Variants in PACRGL observed in about 807,000 individuals in gnomAD.
The protein encoded by PACRGL is PACRG-like protein.
A neutral mutation model predicts 34.5 loss-of-function variants in PACRGL; 38 were observed. The observed-to-expected ratio is 1.10, with a 90% confidence interval of 0.85 to 1.44. The LOEUF (loss-of-function observed/expected upper bound fraction) is 1.44. Among genes scored for constraint, PACRGL ranks in the 40% most tolerant of loss-of-function variants. PACRGL has a pLI of 0.00. For synonymous variants in PACRGL, 128 were observed against 100.1 expected (o/e 1.28, Z -1.66); for missense variants, 305 against 281.4 (o/e 1.08, Z -0.60).
chr4:20,744,405 TA>T (rs1751938113), intron 8 of PACRGL, among the ~76,000 whole-genome samples: 1 of 151,188 alleles, frequency 6.6e-6, no homozygotes, highest in African/African-American at 2.5e-5. Context: ...GTGGCACATA[TA>T]CTGGATTAAG....
upstream of PACRGL, among the ~76,000 whole-genome samples, chr4:20,697,266 T>C (rs1731280719): frequency 6.6e-6 from 1 of 152,214 alleles, no homozygotes; most frequent in Non-Finnish European, 1.5e-5. Flanking sequence ...GGAATAATCA[T>C]TGGGAATGAT....
chr4:20,734,793 A>AAAC (rs79484783), downstream of PACRGL: 26 of 981,784 alleles, frequency 2.6e-5, no homozygotes, highest in African/African-American at 6.8e-5. Context: ...AAAAACAAAA[A>AAAC]AAACAAATGA....
chr4:20,766,480 C>T, the PACRGL span, among the ~76,000 whole-genome samples: 1 of 152,174 alleles, frequency 6.6e-6, no homozygotes, highest in African/African-American at 2.4e-5. Flanking sequence ...GCAGGAGACT[C>T]ACTTGAATCT....
In PACRGL at chr4:20,713,520, T is replaced by G. The variant is rs1738310244; in HGVS notation, c.590T>G (p.Leu197Arg). The stretch of plus-strand genomic sequence containing the variant: ...GTTGGTCCTTCTCTAAACGACCATC[T>G]GAAGCATCTGCTTACAAGCGTAAGT... ...VVVGPSLNDH[L>R]KHLLTSLSKR... Residue 197 changes from leucine to arginine, a missense_variant, in exon 7 of 9, where the codon CTG (leucine) becomes CGG (arginine). Physicochemically the swap from Leu to Arg is moderately radical, Grantham distance 102 (BLOSUM62 -2). Transcript: ENST00000503585. 1.2e-6 allele frequency: 2 copies of G among 1,611,842 alleles called. No homozygotes were observed. The highest frequency in any genetic ancestry group is 1.7e-5 in the Admixed American group (1 of 59,912).
chr4:20,710,948 G>A (rs1395529407), intron 5 of PACRGL, among the ~76,000 whole-genome samples: 4 of 151,998 alleles, frequency 2.6e-5, no homozygotes, highest in Non-Finnish European at 4.4e-5. Flanking sequence ...AGCACTTTAG[G>A]AGGCCAAGGT....
In PACRGL at chr4:20,716,340, T is replaced by TTG. The variant is rs1553872517; in HGVS notation, c.609+2802_609+2803insGT. On this transcript the variant is annotated intron_variant, in intron 7 of 8. Coordinates refer to ENST00000503585, the MANE Select transcript of PACRGL (RefSeq NM_001258345.3). Reference sequence around the variant, plus strand: ...TGAAGTTATTCATGCAGTGTTTTTTTTTTGTTTGTTTGTTTGTTTTAATTA... The same window carrying TTG: ...TGAAGTTATTCATGCAGTGTTTTTTTTGTTTGTTTGTTTGTTTGTTTTAATTA... The TTG allele has an allele frequency of 1.0e-3, 606 of 586,050 alleles. 6 individuals carry two copies. The East Asian group carries it at 0.016, about 16-fold the overall frequency. The allele number at this position is 586,050 out of a possible 1,614,324, so 36.3% of individuals were successfully genotyped here.
Position 20,732,266 on chromosome 4 carries a change from C to A in PACRGL, c.*4925C>A, listed in dbSNP as rs1039603596. On this transcript the variant is annotated 3_prime_UTR_variant, in exon 9 of 9. Transcript: ENST00000503585. ...CAAATGCTTCTGGCTTTTCCCTTTT[C>A]AATATAATGTGGTGAAGATGTAGAG... Among the ~76,000 whole-genome samples the A allele has an allele frequency of 6.6e-6, 1 of 152,150 alleles. No homozygotes were observed. Among genetic ancestry groups the A allele is most frequent in the African/African-American group, 2.4e-5 (1 of 41,438 alleles).
At chr4:20,737,419 A>G (rs555333520), downstream of PACRGL, among the ~76,000 whole-genome samples, 2 of 152,184 alleles carry the variant, frequency 1.3e-5, no homozygotes, top group African/African-American at 4.8e-5. Flanking sequence ...TGAATACTGA[A>G]GAGAAGAATC....
chr4:20,749,713 A>G (rs1192991232), intron 8 of PACRGL: 1 of 1,608,664 alleles, frequency 6.2e-7, no homozygotes, highest in East Asian at 2.2e-5. Context: ...TGAACAGAAA[A>G]TGTGCATATG....
At chr4:20,713,052 G>GTAAATGTGTCAGAATC in intron 6 of PACRGL, 130 bp downstream of exon 6, 1 of 1,012,418 alleles carries the variant, frequency 9.9e-7, no homozygotes, top group Non-Finnish European at 1.3e-6. Flanking sequence ...CTGTGATTCT[G>GTAAATGTGTCAGAATC]ACACATTTAC....
intron 7 of PACRGL, among the ~76,000 whole-genome samples, chr4:20,719,316 GTC>G (rs1741813260): frequency 2.0e-5 from 3 of 152,200 alleles, no homozygotes; most frequent in Middle Eastern, 6.8e-3. Context: ...GGTGTTTTGT[GTC>G]TCTATCTCCT....
chr4:20,714,550 A>G (rs569756617), intron 7 of PACRGL, among the ~76,000 whole-genome samples: 6 of 152,286 alleles, frequency 3.9e-5, no homozygotes, highest in Non-Finnish European at 8.8e-5. Flanking sequence ...TTATGATATT[A>G]GCTGGTTATT....
intron 6 of PACRGL, 148 bp from the exon 7 acceptor site, chr4:20,713,284 T>A: frequency 1.6e-6 from 1 of 636,054 alleles, no homozygotes. Flanking sequence ...TTTTTAAAAT[T>A]CTAGGTTTTG....
the PACRGL span, among the ~76,000 whole-genome samples, chr4:20,763,862 T>C: frequency 6.6e-6 from 1 of 152,166 alleles, no homozygotes; most frequent in African/African-American, 2.4e-5. Context: ...CCACTGATGT[T>C]GTAACATGAA....
intron 4 of PACRGL, among the ~76,000 whole-genome samples, chr4:20,709,108 G>T (rs1366510421): frequency 6.6e-6 from 1 of 152,092 alleles, no homozygotes; most frequent in Non-Finnish European, 1.5e-5. Flanking sequence ...CATTACACTT[G>T]AGCCTGGGCA....
At position 20,731,267 on chromosome 4, in the gene PACRGL, T is replaced by G; in HGVS notation, c.*3926T>G. Reference sequence around the variant, plus strand: ...TTTTTTTTTGTAGAGATAGATAGGGTCTTGCTATGTTGCCCACATTGGACT... The same window carrying G: ...TTTTTTTTTGTAGAGATAGATAGGGGCTTGCTATGTTGCCCACATTGGACT... On this transcript the variant is annotated 3_prime_UTR_variant, in exon 9 of 9. Coordinates refer to ENST00000503585, the MANE Select transcript of PACRGL (RefSeq NM_001258345.3). The G allele has an allele frequency of 2.6e-6, 1 of 379,268 alleles. No individual in the cohort carries two copies. Among genetic ancestry groups the G allele is most frequent in the Non-Finnish European group, 3.6e-6 (1 of 276,328 alleles). 23.5% of individuals were successfully genotyped at this position (379,268 alleles called of 1,614,324 possible).
intron 5 of PACRGL, among the ~76,000 whole-genome samples, chr4:20,710,053 CATAAT>C (rs1437721941): frequency 6.6e-6 from 1 of 152,060 alleles, no homozygotes; most frequent in East Asian, 1.9e-4. Context: ...TATGTGGACT[CATAAT>C]GAGGAGAGAT....
Position 20,731,922 on chromosome 4 carries a change from C to T in PACRGL, c.*4581C>T. 3 of 1,568,808 alleles carry T rather than the reference C, an allele frequency of 1.9e-6. No homozygotes were observed. Among genetic ancestry groups the T allele is most frequent in the Non-Finnish European group, 2.6e-6 (3 of 1,156,692 alleles). On this transcript the variant is annotated 3_prime_UTR_variant, in exon 9 of 9. Coordinates refer to ENST00000503585, the MANE Select transcript of PACRGL (RefSeq NM_001258345.3). ...TTAGGCATATGATCTCTATATTTCG[C>T]CCAGTTCATGGTAGCTAGCTGCTAA...
chr4:20,735,088 A>C (rs1330083475), downstream of PACRGL, among the ~76,000 whole-genome samples: 1 of 152,242 alleles, frequency 6.6e-6, no homozygotes, highest in East Asian at 1.9e-4. Flanking sequence ...AAAAAATACA[A>C]GTGCACACAT....
Sources: allele counts gnomAD v4.1 joint callset (sites outside exome capture counted in the v4.1 genomes callset), GRCh38; gene constraint gnomAD v4.1.1; transcripts MANE v1.5; gene names NCBI Gene and HGNC (gene_info 2026-07-23, HGNC 2026-07-21).